Variants in RALGAPA1 observed in about 807,000 individuals in gnomAD.
The protein encoded by RALGAPA1 is ral GTPase-activating protein subunit alpha-1.
Under a neutral mutation model 269.6 loss-of-function variants are expected in RALGAPA1, and 52 were observed. The ratio of observed to expected loss-of-function variants is 0.19; its 90% confidence interval spans 0.15 to 0.24. The LOEUF (loss-of-function observed/expected upper bound fraction) is 0.24. Among genes scored for constraint, RALGAPA1 ranks in the 10% least tolerant of loss-of-function variants. The pLI is 1.00. For synonymous variants in RALGAPA1, 817 were observed against 1,008.3 expected (o/e 0.81, Z 3.60); for missense variants, 1,917 against 3,013.9 (o/e 0.64, Z 8.52).
At chr14:35,784,321 T>C (rs1035010583) in intron 1 of RALGAPA1, among the ~76,000 whole-genome samples, 3 of 152,102 alleles carry the variant, frequency 2.0e-5, no homozygotes, top group Non-Finnish European at 2.9e-5. Flanking sequence ...TAAGCTACAA[T>C]GTGATGGACT....
At chr14:35,790,938 C>T (rs913558710) in intron 1 of RALGAPA1, among the ~76,000 whole-genome samples, 1 of 152,134 alleles carries the variant, frequency 6.6e-6, no homozygotes, top group South Asian at 2.1e-4. Context: ...AGAGCAATTT[C>T]ATTATCTATT....
At chr14:35,621,073 G>T (rs1283719361) in intron 35 of RALGAPA1, among the ~76,000 whole-genome samples, 3 of 152,100 alleles carry the variant, frequency 2.0e-5, no homozygotes, top group African/African-American at 7.2e-5. Context: ...TAAGCAAAAA[G>T]AACAAAGCTG....
rs759520735 is a variant in RALGAPA1 at position 35,728,347 on chromosome 14, T to C, written c.1736+15A>G. 5.8e-6 allele frequency: 9 copies of C among 1,545,100 alleles called. No homozygotes were observed. The South Asian group carries it at 7.9e-5, about 13-fold the overall frequency. ...AATAAAAACACATAGACATAAAGGA[T>C]AAAAATTTTTTTACCAAGTCTTTTT... On this transcript the variant is annotated intron_variant, in intron 13 of 41. Transcript: ENST00000680220.
chr14:35,610,507 C>T (rs2139293406), intron 35 of RALGAPA1, among the ~76,000 whole-genome samples: 1 of 152,236 alleles, frequency 6.6e-6, no homozygotes. Context: ...TGGTTTTGAT[C>T]TCCTGACCTT....
At chr14:35,784,086 T>C (rs2075637468) in intron 1 of RALGAPA1, among the ~76,000 whole-genome samples, 1 of 150,380 alleles carries the variant, frequency 6.6e-6, no homozygotes, top group South Asian at 2.1e-4. Context: ...ATTGAAAACA[T>C]AAGATCAGGC....
At position 35,570,796 on chromosome 14, in the gene RALGAPA1, A is replaced by G. The variant is rs145756442; in HGVS notation, c.7369-52T>C. On this transcript the variant is annotated intron_variant, in intron 38 of 41. Transcript: ENST00000680220. ...TACATTCAAATTACAGACAGATTGT[A>G]AATAAGAGCAATCAAGACACTTTGC... 9 of 1,521,204 alleles carry G rather than the reference A, an allele frequency of 5.9e-6. No homozygotes were observed. In the African/African-American group the frequency reaches 8.4e-5, roughly 14 times the overall value. The allele number at this position is 1,521,204 out of a possible 1,614,324, so 94.2% of individuals were successfully genotyped here. A position where few individuals can be genotyped will look rare whatever the true frequency, so the allele number is the denominator to read the frequency against.
chr14:35,790,329 G>A (rs191509378), intron 1 of RALGAPA1, among the ~76,000 whole-genome samples: 28 of 152,060 alleles, frequency 1.8e-4, no homozygotes, highest in Non-Finnish European at 3.1e-4. Flanking sequence ...AGAATTGTGG[G>A]GATCTTTGGG....
intron 35 of RALGAPA1, among the ~76,000 whole-genome samples, chr14:35,623,568 G>A (rs1229209171): frequency 6.6e-6 from 1 of 152,174 alleles, no homozygotes; most frequent in African/African-American, 2.4e-5. Context: ...AGGGTGATTA[G>A]TATCTGGTGA....
At chr14:35,782,855 G>A (rs1191050975) in intron 1 of RALGAPA1, among the ~76,000 whole-genome samples, 1 of 150,900 alleles carries the variant, frequency 6.6e-6, no homozygotes, top group East Asian at 1.9e-4. Flanking sequence ...ATGGAGTCTC[G>A]CTGTTACCTA....
At chr14:35,733,872 A>G (rs1218880254) in intron 12 of RALGAPA1, among the ~76,000 whole-genome samples, 2 of 152,134 alleles carry the variant, frequency 1.3e-5, no homozygotes, top group Admixed American at 1.3e-4. Context: ...TAAGAAACAA[A>G]ACAGGAGATA....
intron 12 of RALGAPA1, among the ~76,000 whole-genome samples, chr14:35,729,457 G>T (rs1174318747): frequency 1.3e-5 from 2 of 152,088 alleles, no homozygotes; most frequent in East Asian, 3.9e-4. Flanking sequence ...AAAAAGCCAA[G>T]AATAAGACAA....
At chr14:35,648,306 GA>G (rs900733421) in intron 31 of RALGAPA1, among the ~76,000 whole-genome samples, 11 of 144,798 alleles carry the variant, frequency 7.6e-5, no homozygotes, top group East Asian at 4.1e-4. Context: ...TCAAAAAAAA[GA>G]AAAAAAAAAT....
intron 37 of RALGAPA1, among the ~76,000 whole-genome samples, chr14:35,578,157 A>C (rs1186243963): frequency 6.6e-6 from 1 of 152,230 alleles, no homozygotes; most frequent in African/African-American, 2.4e-5. Flanking sequence ...CTGCTAGCAA[A>C]GCTTTGTGTA....
chr14:35,626,943 C>CA (rs1292544217), intron 34 of RALGAPA1, 147 bp downstream of exon 34: 537 of 661,756 alleles, frequency 8.1e-4, no homozygotes, highest in South Asian at 1.2e-3. Flanking sequence ...TCAGTGGTCT[C>CA]AAAAAAAAAT....
intron 13 of RALGAPA1, among the ~76,000 whole-genome samples, chr14:35,726,959 T>A (rs1365522933): frequency 2.0e-5 from 3 of 152,100 alleles, no homozygotes. Flanking sequence ...AAGAATTAAG[T>A]AAGAAAATAT....
At chr14:35,655,759 A>G (rs1482589821) in intron 29 of RALGAPA1, 48 bp downstream of exon 29, 1 of 1,571,682 alleles carries the variant, frequency 6.4e-7, no homozygotes, top group Non-Finnish European at 8.6e-7. Flanking sequence ...AGAAAAAAAT[A>G]TGCATTCTCT....
chr14:35,587,908 CTTTTA>C (rs201533138), intron 37 of RALGAPA1, among the ~76,000 whole-genome samples: 2,402 of 152,082 alleles, frequency 0.016, 33 homozygotes, highest in Non-Finnish European at 0.022. Flanking sequence ...TTTAACAACC[CTTTTA>C]TTTTATTTTT....
intron 27 of RALGAPA1, among the ~76,000 whole-genome samples, chr14:35,661,067 T>G (rs2063508604): frequency 6.6e-6 from 1 of 152,122 alleles, no homozygotes; most frequent in Non-Finnish European, 1.5e-5. Flanking sequence ...CAATTAACAG[T>G]GATTACAGGT....
At chr14:35,560,733 TA>T (rs1247357576) in intron 39 of RALGAPA1, among the ~76,000 whole-genome samples, 3 of 152,224 alleles carry the variant, frequency 2.0e-5, no homozygotes, top group African/African-American at 7.2e-5. Flanking sequence ...TAACTGTAAG[TA>T]ATTATTGGTC....
Sources: allele counts gnomAD v4.1 joint callset (sites outside exome capture counted in the v4.1 genomes callset), GRCh38; gene constraint gnomAD v4.1.1; transcripts MANE v1.5; gene names NCBI Gene and HGNC (gene_info 2026-07-23, HGNC 2026-07-21).